Variants in MAP3K9 observed in about 807,000 individuals in gnomAD.
MAP3K9 encodes mixed lineage kinase 1 (tyr and ser/thr specificity).
In MAP3K9, 46 loss-of-function variants were observed where a neutral mutation model predicts 95.8. The observed-to-expected ratio is 0.48, with a 90% confidence interval of 0.38 to 0.61. The LOEUF is 0.61. Among genes scored for constraint, MAP3K9 ranks in the 20% least tolerant of loss-of-function variants. The pLI is 0.00. For synonymous variants in MAP3K9, 533 were observed against 593.8 expected (o/e 0.90, Z 1.49); for missense variants, 1,296 against 1,474.3 (o/e 0.88, Z 1.98).
chr14:70,762,565 T>A (rs932772649), intron 2 of MAP3K9, among the ~76,000 whole-genome samples: 2 of 152,198 alleles, frequency 1.3e-5, no homozygotes, highest in East Asian at 3.8e-4. Flanking sequence ...AAATGTCCAC[T>A]CAATCCTTTG....
At chr14:70,740,993 G>A (rs1325628739) in intron 6 of MAP3K9, among the ~76,000 whole-genome samples, 4 of 152,144 alleles carry the variant, frequency 2.6e-5, no homozygotes, top group Admixed American at 1.3e-4. Context: ...TCACTCAACT[G>A]CATGGAATGA....
intron 5 of MAP3K9, among the ~76,000 whole-genome samples, chr14:70,745,552 T>C (rs544190053): frequency 6.6e-6 from 1 of 151,956 alleles, no homozygotes; most frequent in Admixed American, 6.6e-5. Context: ...AGCCTGGCCA[T>C]GATAGTGAAA....
rs2053804499 is a variant in MAP3K9, at chr14:70,725,233, G to A, written c.*5147C>T. ...TCCCACCGGCTCCTGATCATGGAGT[G>A]AGCCCAACACGAAGAGCAAAGCCAG... On this transcript the variant is annotated 3_prime_UTR_variant, in exon 12 of 12. Coordinates refer to ENST00000554752, the MANE Select transcript of MAP3K9 (RefSeq NM_001284230.2). The A allele has an allele frequency of 1.3e-5, 2 of 152,268 alleles. No homozygotes were observed. The highest frequency in any genetic ancestry group is 2.1e-4 in the South Asian group (1 of 4,830). The allele number at this position is 152,268 out of a possible 1,614,324, so 9.4% of individuals were successfully genotyped here. A position where few individuals can be genotyped will look rare whatever the true frequency, so the allele number is the denominator to read the frequency against.
At chr14:70,731,327 T>C (rs889135134) in intron 11 of MAP3K9, among the ~76,000 whole-genome samples, 5 of 152,056 alleles carry the variant, frequency 3.3e-5, no homozygotes, top group African/African-American at 1.2e-4. Context: ...TCCATGCCTG[T>C]AGTCCCAGCT....
chr14:70,751,990 C>T (rs1041987008), intron 3 of MAP3K9, among the ~76,000 whole-genome samples: 9 of 152,204 alleles, frequency 5.9e-5, no homozygotes, highest in Admixed American at 2.0e-4. Flanking sequence ...TTGGTAAATG[C>T]TAATCATCTT....
chr14:70,757,879 C>A (rs569924202), intron 3 of MAP3K9, among the ~76,000 whole-genome samples: 1 of 152,244 alleles, frequency 6.6e-6, no homozygotes, highest in African/African-American at 2.4e-5. Flanking sequence ...ACCCCTACCT[C>A]ATACCACATA....
In MAP3K9 at chr14:70,740,090, T is replaced by C; in HGVS notation, c.1642A>G (p.Ser548Gly). ...ATGATGGTGGGGCTTGCAGGAGGAC[T>C]GGAGCGGCTGTTGATAAGACTCTTC... Reference protein sequence around the residue: ...KRKSLINSRSSPPASPTIIPR... With the variant: ...KRKSLINSRSGPPASPTIIPR... The change falls in exon 7 of 12, where the codon AGT (serine) becomes GGT (glycine). Residue 548 changes from serine (S) to glycine (G), a missense_variant. Around this residue, in one of 5 missense-constraint regions of MAP3K9, gnomAD observed 377 missense variants for 417.1 expected, o/e 0.90. Coordinates refer to ENST00000554752, the MANE Select transcript of MAP3K9 (RefSeq NM_001284230.2). 6.2e-7 allele frequency: 1 copy of C among 1,614,168 alleles called. No individual in the cohort carries two copies. Among genetic ancestry groups the C allele is most frequent in the Non-Finnish European group, 8.5e-7 (1 of 1,180,026 alleles).
Position 70,748,104 on chromosome 14 carries a change from C to CAAAA in MAP3K9, c.1326+721_1326+724dup, listed in dbSNP as rs34373850. Among the ~76,000 whole-genome samples the CAAAA allele has an allele frequency of 3.2e-5, 4 of 125,472 alleles. 2 individuals are homozygous for CAAAA. Among genetic ancestry groups the CAAAA allele is most frequent in the African/African-American group, 6.1e-5 (2 of 32,694 alleles). 82.3% of individuals were successfully genotyped at this position (125,472 alleles called of 152,430 possible). A position where few individuals can be genotyped will look rare whatever the true frequency, so the allele number is the denominator to read the frequency against. ...CCTGGGCGACAGAGCGAGACTGTCT[C>CAAAA]AAAAAAAAAAAAAAAATGGTAAAAG... On this transcript the variant is annotated intron_variant, in intron 5 of 11. Coordinates refer to ENST00000554752, the MANE Select transcript of MAP3K9 (RefSeq NM_001284230.2).
rs775676672 is a variant in MAP3K9, at chr14:70,730,787, G to T, written c.2908C>A (p.Pro970Thr). 1.2e-5 allele frequency: 19 copies of T among 1,613,490 alleles called. No homozygotes were observed. Among genetic ancestry groups the T allele is most frequent in the Non-Finnish European group, 1.4e-5 (17 of 1,180,000 alleles). The change falls in exon 12 of 12, where the codon CCA becomes ACA. Residue 970 changes from proline (P) to threonine (T), a missense_variant. Pro to Thr is a conservative substitution (Grantham distance 38). Around this residue, in one of 5 missense-constraint regions of MAP3K9, gnomAD observed 433 missense variants for 441.4 expected, o/e 0.98. Transcript: ENST00000554752. The stretch of plus-strand genomic sequence containing the variant: ...TGAGTGTTCCAGCGCCTTGGGGTTG[G>T]GGGGAAGACCACATTGGGGTCAGGG... The part of the protein sequence containing the change: ...RLPDPNVVFP[P>T]TPRRWNTQQD...
intron 3 of MAP3K9, among the ~76,000 whole-genome samples, chr14:70,752,780 C>T (rs2054247625): frequency 6.6e-6 from 1 of 152,126 alleles, no homozygotes; most frequent in Non-Finnish European, 1.5e-5. Context: ...CTGTTTGTGT[C>T]CCTGCATCCC....
chr14:70,739,860 T>C (rs2054043180), intron 7 of MAP3K9, 182 bp downstream of exon 7: 1 of 1,536,960 alleles, frequency 6.5e-7, no homozygotes, highest in African/African-American at 1.4e-5. Flanking sequence ...GTAAAGTTAA[T>C]GGAGAGAGAC....
rs1035419877 is a variant in MAP3K9 at position 70,723,184 on chromosome 14, G to A, written c.*7196C>T. The A allele has an allele frequency of 1.3e-5, 2 of 152,218 alleles. No individual in the cohort carries two copies. The highest frequency in any genetic ancestry group is 3.8e-4 in the East Asian group (2 of 5,200). The allele number at this position is 152,218 out of a possible 1,614,324, so 9.4% of individuals were successfully genotyped here. On this transcript the variant is annotated 3_prime_UTR_variant, in exon 12 of 12. Transcript: ENST00000554752. ...AGCCTGACCTCAAGTGCCCAGGGAG[G>A]AGACACAAGCTACAATAAGGCTTCC... is the stretch of plus-strand genomic sequence containing the variant.
At chr14:70,752,045 T>G (rs1346314952) in intron 3 of MAP3K9, among the ~76,000 whole-genome samples, 1 of 152,242 alleles carries the variant, frequency 6.6e-6, no homozygotes, top group South Asian at 2.1e-4. Flanking sequence ...ATTCATCAGA[T>G]GACGGCTTTA....
chr14:70,809,311 G>T lies in MAP3K9; in HGVS notation c.-140C>A. The T allele has an allele frequency of 9.1e-7, 1 of 1,096,088 alleles. No individual in the cohort carries two copies. Among genetic ancestry groups the T allele is most frequent in the Non-Finnish European group, 1.2e-6 (1 of 862,780 alleles). The allele number at this position is 1,096,088 out of a possible 1,614,324, so 67.9% of individuals were successfully genotyped here. ...AGGTAGGGCCCGGGCTGGCAGGGCT[G>T]GGAGAGCCGGCTCGCCGGCGCTGTT... is the stretch of plus-strand genomic sequence containing the variant. On this transcript the variant is annotated 5_prime_UTR_variant, in exon 1 of 12. Coordinates refer to ENST00000554752, the MANE Select transcript of MAP3K9 (RefSeq NM_001284230.2).
At chr14:70,736,189 G>A (rs1241201667) in intron 8 of MAP3K9, among the ~76,000 whole-genome samples, 160 bp from the exon 9 acceptor site, 1 of 152,120 alleles carries the variant, frequency 6.6e-6, no homozygotes, top group Non-Finnish European at 1.5e-5. Context: ...TTAACAAGAT[G>A]GTCCTGTTTA....
Position 70,735,942 on chromosome 14 carries a change from G to C in MAP3K9, c.1913+19C>G. 1 of 1,578,046 alleles carries C rather than the reference G, an allele frequency of 6.3e-7. No individual in the cohort carries two copies. The highest frequency in any genetic ancestry group is 8.7e-7 in the Non-Finnish European group (1 of 1,147,164). On this transcript the variant is annotated intron_variant, in intron 9 of 11. Coordinates refer to ENST00000554752, the MANE Select transcript of MAP3K9 (RefSeq NM_001284230.2). ...ATTGTTACCAGGACAGCTGGTGAAAGGGTGAAGATGAGACTCACCCCAAGT... is the reference window on the plus strand; with the variant it reads ...ATTGTTACCAGGACAGCTGGTGAAACGGTGAAGATGAGACTCACCCCAAGT...
At chr14:70,768,332 A>G (rs779500260) in intron 2 of MAP3K9, among the ~76,000 whole-genome samples, 1 of 152,206 alleles carries the variant, frequency 6.6e-6, no homozygotes, top group Non-Finnish European at 1.5e-5. Context: ...AAGAAATTCT[A>G]TATCACTATT....
intron 2 of MAP3K9, among the ~76,000 whole-genome samples, chr14:70,795,994 A>T (rs1332169156): frequency 1.3e-5 from 2 of 152,108 alleles, no homozygotes; most frequent in African/African-American, 4.8e-5. Flanking sequence ...ACCTCGGGTG[A>T]TCCTCCTCCC....
chr14:70,782,029 A>C (rs962609407), intron 2 of MAP3K9, among the ~76,000 whole-genome samples: 1 of 152,190 alleles, frequency 6.6e-6, no homozygotes, highest in East Asian at 1.9e-4. Context: ...GCTATGGCCT[A>C]CCTGCCCTAT....
Sources: allele counts gnomAD v4.1 joint callset (sites outside exome capture counted in the v4.1 genomes callset), GRCh38; gene constraint gnomAD v4.1.1; regional missense constraint gnomAD v4.1.1; transcripts MANE v1.5; gene names NCBI Gene and HGNC (gene_info 2026-07-23, HGNC 2026-07-21).